The following GNA12 variants were observed in gnomAD, a reference collection of about 807,000 sequenced individuals.
The protein encoded by GNA12 is guanine nucleotide-binding protein subunit alpha-12.
GNA12 carries 9 observed loss-of-function variants against 26.0 expected under a neutral mutation model. The observed-to-expected ratio is 0.35, with a 90% CI of 0.21 to 0.60. GNA12 has a LOEUF of 0.60. GNA12 is among the 20% of genes least tolerant of loss of function. GNA12 has a pLI of 0.78. For synonymous variants in GNA12, 264 were observed against 219.6 expected (o/e 1.20, Z -1.79); for missense variants, 405 against 525.8 (o/e 0.77, Z 2.25).
chr7:2,800,700 C>G (rs998754515), intron 1 of GNA12, among the ~76,000 whole-genome samples: 1 of 152,178 alleles, frequency 6.6e-6, no homozygotes, highest in Non-Finnish European at 1.5e-5. Context: ...TTGCTAAAAC[C>G]CTAACTGGAG....
intron 1 of GNA12, among the ~76,000 whole-genome samples, chr7:2,810,970 C>A (rs2251718): frequency 6.6e-6 from 1 of 151,596 alleles, no homozygotes; most frequent in African/African-American, 2.4e-5. Flanking sequence ...GGCCCTGGAG[C>A]GCTCTCATTC....
intron 1 of GNA12, among the ~76,000 whole-genome samples, chr7:2,834,806 G>A (rs941179788): frequency 1.3e-5 from 2 of 152,154 alleles, no homozygotes; most frequent in Admixed American, 6.5e-5. Context: ...TGCGGTACAG[G>A]TTTGCAGTCT....
At chr7:2,780,966 A>G (rs1031347295) in intron 2 of GNA12, among the ~76,000 whole-genome samples, 2 of 152,258 alleles carry the variant, frequency 1.3e-5, no homozygotes, top group African/African-American at 4.8e-5. Context: ...TGTTCCCACC[A>G]GCACTGCAGT....
intron 2 of GNA12, among the ~76,000 whole-genome samples, chr7:2,737,997 G>C (rs972320941): frequency 6.6e-6 from 1 of 152,156 alleles, no homozygotes; most frequent in Non-Finnish European, 1.5e-5. Flanking sequence ...GAGATTAAAT[G>C]ATACCACAGC....
At chr7:2,821,509 G>A (rs545951583) in intron 1 of GNA12, among the ~76,000 whole-genome samples, 1 of 152,286 alleles carries the variant, frequency 6.6e-6, no homozygotes, top group South Asian at 2.1e-4. Context: ...CTCCCCAATT[G>A]TATCAATGAC....
chr7:2,760,277 C>T (rs73049331), intron 2 of GNA12: 16,415 of 152,546 alleles, frequency 0.11, 1,024 homozygotes, highest in Middle Eastern at 0.19. Context: ...CTCCCAGCAG[C>T]GCTGCCTCCC....
chr7:2,744,415 G>A (rs1385924216), intron 2 of GNA12, among the ~76,000 whole-genome samples: 1 of 152,194 alleles, frequency 6.6e-6, no homozygotes, highest in South Asian at 2.1e-4. Context: ...ACAGGGTCTG[G>A]AGTGGACCTC....
chr7:2,841,840 A>C (rs1778997224), intron 1 of GNA12, among the ~76,000 whole-genome samples: 1 of 152,100 alleles, frequency 6.6e-6, no homozygotes. Flanking sequence ...GCTAAATTTA[A>C]AATCTCCCAG....
intron 1 of GNA12, among the ~76,000 whole-genome samples, chr7:2,828,518 C>T (rs1023093891): frequency 2.0e-5 from 3 of 152,104 alleles, no homozygotes; most frequent in African/African-American, 4.8e-5. Flanking sequence ...CACATCCAGC[C>T]GGTATTGTTA....
intron 2 of GNA12, among the ~76,000 whole-genome samples, chr7:2,781,662 CT>C (rs954882572): frequency 6.6e-6 from 1 of 152,050 alleles, no homozygotes; most frequent in Non-Finnish European, 1.5e-5. Flanking sequence ...ACTGTATATT[CT>C]TTTTTCTCAA....
intron 2 of GNA12, among the ~76,000 whole-genome samples, chr7:2,754,574 C>G (rs530044233): frequency 7.1e-6 from 1 of 140,792 alleles, no homozygotes; most frequent in African/African-American, 2.7e-5. Context: ...GAGACCTCAT[C>G]TCTACTTTAA....
chr7:2,814,269 C>G (rs1793160399), intron 1 of GNA12: 6 of 965,482 alleles, frequency 6.2e-6, no homozygotes, highest in Non-Finnish European at 1.0e-5. Flanking sequence ...TGACTGAGAT[C>G]AGGGAGATCT....
intron 2 of GNA12, among the ~76,000 whole-genome samples, chr7:2,788,822 T>G (rs896518213): frequency 6.6e-6 from 1 of 151,262 alleles, no homozygotes; most frequent in South Asian, 2.1e-4. Flanking sequence ...TTACCTCCCC[T>G]TTTTTTTTCT....
Position 2,728,116 on chromosome 7 carries a change from G to A in GNA12, c.*3065C>T, listed in dbSNP as rs1410729963. 2 of 151,950 alleles carry A rather than the reference G, an allele frequency of 1.3e-5. No individual in the cohort carries two copies. Among genetic ancestry groups the A allele is most frequent in the South Asian group, 2.1e-4 (1 of 4,818 alleles). 9.4% of individuals were successfully genotyped at this position (151,950 alleles called of 1,614,324 possible). A position where few individuals can be genotyped will look rare whatever the true frequency, so the allele number is the denominator to read the frequency against. ...GAATACTGGCACTATTTTATATTAAGCAAAGAAAGACTAAATTTATTTTAA... is the reference window on the plus strand; with the variant it reads ...GAATACTGGCACTATTTTATATTAAACAAAGAAAGACTAAATTTATTTTAA... On this transcript the variant is annotated 3_prime_UTR_variant, in exon 4 of 4. Transcript: ENST00000275364.
Position 2,730,204 on chromosome 7 carries a change from AAGAGG to A in GNA12, c.*972_*976del, listed in dbSNP as rs1221399689. ...CCTTGCCAGCTTTCTGAAGCCCCAG[AAGAGG>A]AATGTTTCTGAAAGAAGGAAACGCT... On this transcript the variant is annotated 3_prime_UTR_variant, in exon 4 of 4. Coordinates refer to ENST00000275364, the MANE Select transcript of GNA12 (RefSeq NM_007353.3). 1 of 152,398 alleles carries A rather than the reference AAGAGG, an allele frequency of 6.6e-6. No individual in the cohort carries two copies. Among genetic ancestry groups the A allele is most frequent in the African/African-American group, 2.4e-5 (1 of 41,474 alleles). 9.4% of individuals were successfully genotyped at this position (152,398 alleles called of 1,614,324 possible). A position where few individuals can be genotyped will look rare whatever the true frequency, so the allele number is the denominator to read the frequency against.
intron 1 of GNA12, among the ~76,000 whole-genome samples, chr7:2,838,602 A>ATT (rs1468379513): frequency 6.6e-6 from 1 of 152,182 alleles, no homozygotes; most frequent in African/African-American, 2.4e-5. Flanking sequence ...TAACAGTCAT[A>ATT]ATAATGACTT....
intron 2 of GNA12, among the ~76,000 whole-genome samples, chr7:2,790,622 G>A (rs1041679439): frequency 6.6e-6 from 1 of 152,138 alleles, no homozygotes; most frequent in Non-Finnish European, 1.5e-5. Flanking sequence ...ACACACCAAA[G>A]ACACTGATAT....
chr7:2,740,099 TTGC>T (rs1368576240), intron 2 of GNA12, among the ~76,000 whole-genome samples: 3 of 152,162 alleles, frequency 2.0e-5, no homozygotes, highest in African/African-American at 7.2e-5. Context: ...TTGCCAACAC[TTGC>T]TGTTTTCTGA....
intron 1 of GNA12, among the ~76,000 whole-genome samples, chr7:2,840,397 G>T (rs1388139040): frequency 6.6e-6 from 1 of 152,174 alleles, no homozygotes; most frequent in East Asian, 1.9e-4. Flanking sequence ...GAAGCATTAT[G>T]AAAATTCAAC....
Sources: allele counts gnomAD v4.1 joint callset (sites outside exome capture counted in the v4.1 genomes callset), GRCh38; gene constraint gnomAD v4.1.1; transcripts MANE v1.5; gene names NCBI Gene and HGNC (gene_info 2026-07-23, HGNC 2026-07-21).